ERO1B: variants seen among roughly 807,000 people sequenced by gnomAD.
ERO1B encodes the protein ERO1-like protein beta.
ERO1B carries 49 observed loss-of-function variants against 75.3 expected under a neutral mutation model. The observed-to-expected ratio is 0.65, with a 90% CI of 0.52 to 0.83. The LOEUF (loss-of-function observed/expected upper bound fraction) is 0.83. Ranked by LOEUF, ERO1B falls within the 40% of genes least tolerant of loss-of-function variation. ERO1B has a pLI of 0.00. For synonymous variants in ERO1B, 191 were observed against 192.9 expected (o/e 0.99, Z 0.08); for missense variants, 512 against 560.1 (o/e 0.91, Z 0.87).
chr1:236,243,931 CTG>C (rs1036375285), intron 5 of ERO1B, among the ~76,000 whole-genome samples: 36 of 152,192 alleles, frequency 2.4e-4, no homozygotes, highest in African/African-American at 7.9e-4. Flanking sequence ...ATACCAATAA[CTG>C]TATTTCTATA....
chr1:236,241,199 A>C (rs535707438), intron 6 of ERO1B, among the ~76,000 whole-genome samples: 2 of 152,266 alleles, frequency 1.3e-5, no homozygotes, highest in South Asian at 2.1e-4. Context: ...TGAATTTGGG[A>C]AACAGCAATA....
chr1:236,230,354 A>G (rs2812471), intron 9 of ERO1B, 104 bp from the exon 10 acceptor site: 948,842 of 957,946 alleles, frequency 0.99, 470,430 homozygotes, highest in East Asian at 1. Context: ...GCTCATGCCT[A>G]TAATCCTAGC....
In ERO1B at chr1:236,281,881, GA is replaced by G; in HGVS notation, c.-99del. ...CCCAAGGGGACGGTTCCCAGCGGCC[GA>G]GCGACTCCAGGGTCAGAGGTCTGCA... On this transcript the variant is annotated 5_prime_UTR_variant, in exon 1 of 16. Coordinates refer to ENST00000354619, the MANE Select transcript of ERO1B (RefSeq NM_019891.4). 1 of 863,942 alleles carries G rather than the reference GA, an allele frequency of 1.2e-6. No individual in the cohort carries two copies. The highest frequency in any genetic ancestry group is 1.6e-6 in the Non-Finnish European group (1 of 634,992). 53.5% of individuals were successfully genotyped at this position (863,942 alleles called of 1,614,324 possible).
chr1:236,270,202 T>C (rs1665560719), intron 1 of ERO1B, among the ~76,000 whole-genome samples: 1 of 152,214 alleles, frequency 6.6e-6, no homozygotes, highest in Non-Finnish European at 1.5e-5. Context: ...TGGAAGAACA[T>C]TTCTCTTTAG....
In ERO1B at chr1:236,239,911, ATTT is replaced by A. The variant is rs1218642025; in HGVS notation, c.505+3508_505+3510del. ...TGTGTGTATATATATATATATATAT[ATTT>A]TTTTTTTTTGCGATGAGGCTGACTC... On this transcript the variant is annotated intron_variant, in intron 6 of 15. Coordinates refer to ENST00000354619, the MANE Select transcript of ERO1B (RefSeq NM_019891.4). Among the ~76,000 whole-genome samples the A allele has an allele frequency of 1.9e-5, 2 of 106,960 alleles. 1 individual carries two copies. Among genetic ancestry groups the A allele is most frequent in the African/African-American group, 8.1e-5 (2 of 24,662 alleles). 70.2% of individuals were successfully genotyped at this position (106,960 alleles called of 152,430 possible).
chr1:236,264,813 C>A (rs1665380940), intron 2 of ERO1B, among the ~76,000 whole-genome samples: 1 of 151,928 alleles, frequency 6.6e-6, no homozygotes, highest in Non-Finnish European at 1.5e-5. Context: ...CCACAGCACT[C>A]CAGCTTGGGC....
Position 236,226,496 on chromosome 1 carries a change from A to G in ERO1B, c.825T>C (p.Ser275=), listed in dbSNP as rs1372152692. The G allele has an allele frequency of 1.5e-5, 24 of 1,613,182 alleles. No individual in the cohort carries two copies. Among genetic ancestry groups the G allele is most frequent in the South Asian group, 5.5e-5 (5 of 90,784 alleles). ...YLLEETWGKP[S]WGPNIKEFKH... ...TGAATTCTTTAATATTAGGTCCCCAACTGGGCTTACCCCAGGTTTCTAAAG... is the reference window on the plus strand; with the variant it reads ...TGAATTCTTTAATATTAGGTCCCCAGCTGGGCTTACCCCAGGTTTCTAAAG... The change falls in exon 12 of 16, where the codon AGT becomes AGC. Residue 275 remains serine, a synonymous_variant. Transcript: ENST00000354619.
intron 13 of ERO1B, among the ~76,000 whole-genome samples, chr1:236,222,522 A>G (rs1664176957): frequency 1.7e-5 from 2 of 116,806 alleles, no homozygotes; most frequent in Admixed American, 1.9e-4. Context: ...CTGCATATTA[A>G]TTCACTTTCC....
intron 10 of ERO1B, 63 bp from the exon 11 acceptor site, chr1:236,226,802 G>A (rs1204335951): frequency 1.6e-6 from 2 of 1,269,454 alleles, no homozygotes; most frequent in East Asian, 4.7e-5. Flanking sequence ...ATTGACTCAA[G>A]GAGGTTCAGT....
chr1:236,217,525 G>C lies in ERO1B; in HGVS notation c.*991C>G, dbSNP rs527771972. 434 of 152,646 alleles carry C rather than the reference G, an allele frequency of 2.8e-3. 2 individuals carry two copies. The highest frequency in any genetic ancestry group is 9.7e-3 in the African/African-American group (401 of 41,542). 9.5% of individuals were successfully genotyped at this position (152,646 alleles called of 1,614,324 possible). A position where few individuals can be genotyped will look rare whatever the true frequency, so the allele number is the denominator to read the frequency against. Reference sequence around the variant, plus strand: ...GCACACTGAGTTCGAGGATTGCATAGATTGTATTCTAAAATAAATCCTTTA... The same window carrying C: ...GCACACTGAGTTCGAGGATTGCATACATTGTATTCTAAAATAAATCCTTTA... On this transcript the variant is annotated 3_prime_UTR_variant, in exon 16 of 16. Transcript: ENST00000354619.
intron 2 of ERO1B, among the ~76,000 whole-genome samples, chr1:236,256,287 G>A (rs750326790): frequency 1.3e-5 from 2 of 152,194 alleles, no homozygotes; most frequent in Non-Finnish European, 2.9e-5. Flanking sequence ...GATATTCCCT[G>A]TGTCTTCTTC....
Position 236,218,128 on chromosome 1 carries a change from C to G in ERO1B, c.*388G>C, listed in dbSNP as rs1664044073. 1 of 152,352 alleles carries G rather than the reference C, an allele frequency of 6.6e-6. No homozygotes were observed. The highest frequency in any genetic ancestry group is 6.6e-5 in the Admixed American group (1 of 15,258). The allele number at this position is 152,352 out of a possible 1,614,324, so 9.4% of individuals were successfully genotyped here. A position where few individuals can be genotyped will look rare whatever the true frequency, so the allele number is the denominator to read the frequency against. ...ACACCAGCCCTGAGCAACATTTGTT[C>G]CCTAGTTCTCCTTTTCCATAACAGA... is the stretch of plus-strand genomic sequence containing the variant. On this transcript the variant is annotated 3_prime_UTR_variant, in exon 16 of 16. Coordinates refer to ENST00000354619, the MANE Select transcript of ERO1B (RefSeq NM_019891.4).
intron 2 of ERO1B, among the ~76,000 whole-genome samples, chr1:236,257,714 G>A (rs1393729421): frequency 6.6e-6 from 1 of 151,698 alleles, no homozygotes; most frequent in Non-Finnish European, 1.5e-5. Context: ...TATCAACAAA[G>A]AGGTAGAAAA....
At chr1:236,226,578 G>A in intron 11 of ERO1B, 63 bp from the exon 12 acceptor site, 1 of 1,595,056 alleles carries the variant, frequency 6.3e-7, no homozygotes, top group East Asian at 2.2e-5. Context: ...CTGCTCTAAA[G>A]AATATGTATT....
chr1:236,260,683 A>G (rs1305171781), intron 2 of ERO1B, among the ~76,000 whole-genome samples: 1 of 151,444 alleles, frequency 6.6e-6, no homozygotes, highest in African/African-American at 2.4e-5. Context: ...AAAAAAAGAC[A>G]GACAGACCAG....
chr1:236,242,154 A>AT (rs1460928268), intron 6 of ERO1B, among the ~76,000 whole-genome samples: 1 of 152,222 alleles, frequency 6.6e-6, no homozygotes, highest in Non-Finnish European at 1.5e-5. Context: ...ACTTCCTGCA[A>AT]TTAAGTATTT....
At chr1:236,261,238 T>C (rs965485019) in intron 2 of ERO1B, among the ~76,000 whole-genome samples, 3 of 152,112 alleles carry the variant, frequency 2.0e-5, no homozygotes, top group Admixed American at 6.6e-5. Flanking sequence ...TCCTCTAAGA[T>C]TAGAAACAAG....
intron 6 of ERO1B, among the ~76,000 whole-genome samples, chr1:236,237,486 C>T (rs1243688404): frequency 6.6e-6 from 1 of 152,154 alleles, no homozygotes; most frequent in Non-Finnish European, 1.5e-5. Context: ...TTGAAGCTCA[C>T]ATTCTGAATA....
chr1:236,241,260 T>C (rs1011536074), intron 6 of ERO1B, among the ~76,000 whole-genome samples: 1 of 152,062 alleles, frequency 6.6e-6, no homozygotes, highest in South Asian at 2.1e-4. Flanking sequence ...AAAACTACTA[T>C]AGGCCAGGCA....
Sources: gnomAD v4.1 joint callset for allele counts (sites outside exome capture counted in the v4.1 genomes callset) on GRCh38, gnomAD v4.1.1 for gene constraint, MANE v1.5 for transcripts, NCBI Gene and HGNC (gene_info 2026-07-23, HGNC 2026-07-21) for gene names.